Variants in MYO1H observed in about 807,000 individuals in gnomAD.
MYO1H encodes the protein unconventional myosin-Ih.
MYO1H carries 118 observed loss-of-function variants against 149.3 expected under a neutral mutation model. That is an observed-to-expected ratio of 0.79 (90% CI 0.68 to 0.92). The LOEUF is 0.92. MYO1H is among the 40% of genes least tolerant of loss of function. The probability of loss-of-function intolerance (pLI) is 0.00; values close to 1 mark genes in which losing one functional copy is unlikely to be tolerated. For missense variants in MYO1H, 1,212 were observed against 1,280.7 expected (o/e 0.95, Z 0.82); for synonymous variants, 447 against 465.2 (o/e 0.96, Z 0.50).
At chr12:109,369,128 C>T (rs1429389748) in intron 1 of MYO1H, among the ~76,000 whole-genome samples, 1 of 152,054 alleles carries the variant, frequency 6.6e-6, no homozygotes, top group East Asian at 1.9e-4. Flanking sequence ...GCTGGGATTA[C>T]AGGCATGTGC....
chr12:109,316,266 A>G, the MYO1H span, among the ~76,000 whole-genome samples: 5 of 152,198 alleles, frequency 3.3e-5, no homozygotes, highest in Non-Finnish European at 7.3e-5. Context: ...CACTGCAAAC[A>G]GCTTTATCCT....
chr12:109,384,261 G>C (rs1254942841), intron 1 of MYO1H, among the ~76,000 whole-genome samples: 1 of 152,154 alleles, frequency 6.6e-6, no homozygotes, highest in African/African-American at 2.4e-5. Flanking sequence ...GGCAGAATCT[G>C]TGATCCCTGC....
intron 24 of MYO1H, among the ~76,000 whole-genome samples, chr12:109,440,282 C>T (rs1189709745): frequency 1.3e-5 from 2 of 150,978 alleles, no homozygotes; most frequent in Admixed American, 6.6e-5. Context: ...ATGATCTGTC[C>T]GCCTCAGCCT....
At chr12:109,422,765 A>G (rs1871228562) in intron 16 of MYO1H, among the ~76,000 whole-genome samples, 1 of 152,090 alleles carries the variant, frequency 6.6e-6, no homozygotes, top group Non-Finnish European at 1.5e-5. Flanking sequence ...AAACAACAAC[A>G]AAAAAATTCA....
chr12:109,327,150 T>G, the MYO1H span, among the ~76,000 whole-genome samples: 3 of 143,900 alleles, frequency 2.1e-5, no homozygotes, highest in African/African-American at 7.9e-5. Context: ...TTTTTTTTTT[T>G]GAGACAGAGT....
chr12:109,347,017 A>G (rs951448909), upstream of MYO1H, among the ~76,000 whole-genome samples: 3 of 152,164 alleles, frequency 2.0e-5, no homozygotes, highest in East Asian at 1.9e-4. Flanking sequence ...CCAATAGGAT[A>G]TATATACAGA....
chr12:109,410,957 T>G (rs1482655999), intron 13 of MYO1H, among the ~76,000 whole-genome samples, 189 bp downstream of exon 13: 2 of 151,974 alleles, frequency 1.3e-5, no homozygotes, highest in Non-Finnish European at 2.9e-5. Context: ...GCCTGAACAG[T>G]ATGGTGTAAC....
At chr12:109,440,126 C>T (rs952062271) in intron 24 of MYO1H, among the ~76,000 whole-genome samples, 2 of 151,938 alleles carry the variant, frequency 1.3e-5, no homozygotes, top group African/African-American at 4.8e-5. Flanking sequence ...CCTCCGCCTC[C>T]TAGGCTCAAG....
chr12:109,404,070 C>T (rs2137053658), exon 7 of MYO1H: 1 of 1,612,858 alleles, frequency 6.2e-7, no homozygotes, highest in South Asian at 1.1e-5. Flanking sequence ...TTTACTGAAG[C>T]TGACCTCGAG....
At chr12:109,364,576 C>CA (rs1555248432) in intron 1 of MYO1H, among the ~76,000 whole-genome samples, 57 of 152,146 alleles carry the variant, frequency 3.7e-4, no homozygotes, top group African/African-American at 1.3e-3. Context: ...CCACCTGCCT[C>CA]GGCTTCCCAC....
chr12:109,379,412 T>G (rs1869153616), intron 1 of MYO1H, among the ~76,000 whole-genome samples: 1 of 152,244 alleles, frequency 6.6e-6, no homozygotes, highest in Admixed American at 6.5e-5. Flanking sequence ...GATTGTGGTG[T>G]TTGATTTTCT....
intron 1 of MYO1H, among the ~76,000 whole-genome samples, chr12:109,363,525 CA>C (rs1175347968): frequency 6.6e-6 from 1 of 152,098 alleles, no homozygotes; most frequent in East Asian, 1.9e-4. Context: ...CCAGCCTGGC[CA>C]ACATGGTGAA....
rs772510770 is a variant in MYO1H, at chr12:109,409,578, A to G, written c.1177A>G (p.Ile393Val). 1.2e-5 allele frequency: 20 copies of G among 1,613,748 alleles called. No homozygotes were observed. In the African/African-American group the frequency reaches 2.5e-4, roughly 20 times the overall value. The change falls in exon 11 of 32, where the codon ATT (isoleucine) becomes GTT (valine). Residue 393 changes from isoleucine to valine, a missense_variant. Ile to Val is a conservative substitution (Grantham distance 29). Coordinates refer to ENST00000310903, the Ensembl canonical transcript of MYO1H. ...CCAGGATTTCACCAGGAAAACTGTA[A>G]TTGGATTACTGGACATCTATGGGTT... is the stretch of plus-strand genomic sequence containing the variant.
At chr12:109,398,238 C>CTCA (rs10695646) in intron 5 of MYO1H, among the ~76,000 whole-genome samples, 77,567 of 151,848 alleles carry the variant, frequency 0.51, 20,747 homozygotes, top group African/African-American at 0.66. Flanking sequence ...AAGAGCACTG[C>CTCA]TCATCATGAG....
At chr12:109,362,881 G>C (rs75486320) in intron 1 of MYO1H, among the ~76,000 whole-genome samples, 96 of 152,284 alleles carry the variant, frequency 6.3e-4, no homozygotes, top group African/African-American at 2.1e-3. Context: ...CAGTCCATCA[G>C]TTTCATTGGT....
intron 1 of MYO1H, among the ~76,000 whole-genome samples, chr12:109,356,695 C>G (rs1868614338): frequency 6.6e-6 from 1 of 152,134 alleles, no homozygotes; most frequent in Non-Finnish European, 1.5e-5. Context: ...GAACTGCTCT[C>G]ATTTTTACTA....
the MYO1H span, among the ~76,000 whole-genome samples, chr12:109,325,484 A>T: frequency 4.6e-5 from 7 of 152,202 alleles, no homozygotes; most frequent in Non-Finnish European, 7.3e-5. Context: ...AAAAACCCTG[A>T]AAGAAAACCT....
At chr12:109,393,439 C>G in exon 3 of MYO1H, 1 of 1,573,910 alleles carries the variant, frequency 6.4e-7, no homozygotes, top group Non-Finnish European at 8.6e-7. Context: ...TGAACTGCCA[C>G]CACATGTGTA....
chr12:109,436,391 G>GC (rs1182407248), intron 21 of MYO1H, 97 bp from the exon 22 acceptor site: 99 of 792,028 alleles, frequency 1.2e-4, no homozygotes, highest in Non-Finnish European at 2.0e-4. Flanking sequence ...GGACTTTGAT[G>GC]CCCCCTTCCA....
Sources: gnomAD v4.1 joint callset for allele counts (sites outside exome capture counted in the v4.1 genomes callset) on GRCh38, gnomAD v4.1.1 for gene constraint, MANE v1.5 for transcripts, NCBI Gene and HGNC (gene_info 2026-07-23, HGNC 2026-07-21) for gene names.